The following CD6 variants were observed in gnomAD, a reference collection of about 807,000 sequenced individuals.
CD6 encodes the protein T-cell differentiation antigen CD6.
Under a neutral mutation model 75.3 loss-of-function variants are expected in CD6, and 53 were observed. The ratio of observed to expected loss-of-function variants is 0.70; its 90% CI spans 0.56 to 0.88. CD6 has a LOEUF of 0.88. Ranked by LOEUF, CD6 falls within the 40% of genes least tolerant of loss-of-function variation. The pLI is 0.00. For missense variants in CD6, 770 were observed against 897.1 expected (o/e 0.86, Z 1.81); for synonymous variants, 359 against 381.5 (o/e 0.94, Z 0.69).
At chr11:60,975,267 GTGCTA>G (rs1256173958) in intron 1 of CD6, among the ~76,000 whole-genome samples, 1 of 152,170 alleles carries the variant, frequency 6.6e-6, no homozygotes, top group Non-Finnish European at 1.5e-5. Context: ...CCTTGGTTCT[GTGCTA>G]TTCCATAGGG....
chr11:60,997,991 T>G (rs1218346721), intron 1 of CD6, among the ~76,000 whole-genome samples: 2 of 152,212 alleles, frequency 1.3e-5, no homozygotes, highest in Non-Finnish European at 2.9e-5. Context: ...CCTGCGTTTA[T>G]ACAGATGAGT....
intron 8 of CD6, 22 bp from the exon 9 acceptor site, chr11:61,015,691 C>G (rs1440863906): frequency 2.0e-5 from 33 of 1,613,782 alleles, no homozygotes; most frequent in Non-Finnish European, 2.6e-5. Flanking sequence ...TTGCCATGCC[C>G]TCGACTCTGT....
intron 1 of CD6, among the ~76,000 whole-genome samples, chr11:61,002,954 CTCTTTTCTTT>C (rs10657791): frequency 9.3e-5 from 14 of 151,002 alleles, no homozygotes; most frequent in Middle Eastern, 3.2e-3. Flanking sequence ...ACCTAATCAA[CTCTTTTCTTT>C]TCTTTTCTTT....
In CD6 at chr11:61,009,829, T is replaced by A. The variant is rs1172643572; in HGVS notation, c.1039T>A (p.Ser347Thr). The A allele has an allele frequency of 6.3e-7, 1 of 1,584,654 alleles. No homozygotes were observed. The highest frequency in any genetic ancestry group is 1.7e-5 in the Admixed American group (1 of 57,804). ...CAACTGCTCCTGGCGGTTCAACAAC[T>A]CCAACCTCTGCAGCCAGTCGCTGGC... ...LSNCSWRFNN[S>T]NLCSQSLAAR... Residue 347 changes from serine (S) to threonine (T), a missense_variant, in exon 5 of 13, where the codon TCC (serine) becomes ACC (threonine). Physicochemically the swap from Ser to Thr is moderately conservative, Grantham distance 58. Transcript: ENST00000313421.
Position 60,987,524 on chromosome 11 carries a change from T to A in CD6, c.49+15610T>A, listed in dbSNP as rs562551938. ...ACAACTCGTAGCAATGTATGTAGTG[T>A]GTATAGGGTGTGTGTGTAGGGTGTG... On this transcript the variant is annotated intron_variant, in intron 1 of 12. Transcript: ENST00000313421. 7.3e-4 allele frequency among the ~76,000 whole-genome samples: 110 copies of A among 151,368 alleles called. 2 individuals are homozygous for A. The highest frequency in any genetic ancestry group is 3.0e-4 in the Non-Finnish European group (20 of 67,534).
chr11:61,017,257 G>C, intron 9 of CD6: 1 of 567,114 alleles, frequency 1.8e-6, no homozygotes, highest in East Asian at 2.9e-5. Flanking sequence ...GGGGTTGTAG[G>C]GCACTAGAGT....
chr11:60,984,638 T>A (rs1405447854), intron 1 of CD6, among the ~76,000 whole-genome samples: 3 of 152,356 alleles, frequency 2.0e-5, no homozygotes, highest in East Asian at 1.9e-4. Context: ...AACACATTTT[T>A]AAAATAGTAT....
chr11:60,991,441 C>T (rs373764598), intron 1 of CD6, among the ~76,000 whole-genome samples: 27 of 152,084 alleles, frequency 1.8e-4, no homozygotes, highest in Admixed American at 1.4e-3. Flanking sequence ...GCGTGAGCCC[C>T]GCGTTTGGCC....
At position 61,007,681 on chromosome 11, in the gene CD6, G is replaced by A. The variant is rs575606847; in HGVS notation, c.240G>A (p.Glu80=). 2.2e-4 allele frequency: 306 copies of A among 1,415,988 alleles called. 5 individuals are homozygous for A. The South Asian group carries it at 4.5e-3, about 21-fold the overall frequency. The allele number at this position is 1,415,988 out of a possible 1,614,324, so 87.7% of individuals were successfully genotyped here. The change falls in exon 3 of 13, where the codon GAG becomes GAA. Residue 80 remains glutamate, a synonymous_variant. Transcript: ENST00000313421. This position sits in a 1 kb window ranked among gnomAD's most constrained non-coding sequence, Gnocchi z 4.2. ...CGALWDSRAA[E]AVCRALGCGG... ...CGCTCTGGGACAGCCGCGCCGCCGA[G>A]GCCGTGTGCCGAGCACTGGGCTGCG...
At chr11:61,015,858 G>A (rs746177906) in intron 9 of CD6, 23 bp downstream of exon 9, 11 of 1,612,782 alleles carry the variant, frequency 6.8e-6, no homozygotes, top group African/African-American at 5.3e-5. Flanking sequence ...CCGGGCTCCC[G>A]AGGGCCCACC....
chr11:61,015,453 C>T (rs2134495362), intron 8 of CD6: 2 of 421,372 alleles, frequency 4.7e-6, no homozygotes, highest in Non-Finnish European at 8.6e-6. Context: ...TGCCTGTGGT[C>T]CCAGCTACTC....
chr11:61,019,554 T>C lies in CD6; in HGVS notation c.*236T>C. ...TAGCAGCCCCAGGGAGGATGCTGCC[T>C]CCAAGAGGTGTGAGCCCTCTGTCTC... On this transcript the variant is annotated 3_prime_UTR_variant, in exon 13 of 13. Transcript: ENST00000313421. The C allele has an allele frequency of 2.4e-6, 1 of 418,156 alleles. No individual in the cohort carries two copies. Among genetic ancestry groups the C allele is most frequent in the Non-Finnish European group, 4.2e-6 (1 of 235,664 alleles). 25.9% of individuals were successfully genotyped at this position (418,156 alleles called of 1,614,324 possible).
chr11:61,013,332 GA>G, intron 6 of CD6, 90 bp from the exon 7 acceptor site: 6 of 1,413,688 alleles, frequency 4.2e-6, no homozygotes, highest in Non-Finnish European at 5.8e-6. Flanking sequence ...CATAAAAAGG[GA>G]AGCAGGTCAG....
At chr11:60,999,228 A>G (rs533183921) in intron 1 of CD6, among the ~76,000 whole-genome samples, 3 of 152,182 alleles carry the variant, frequency 2.0e-5, no homozygotes, top group African/African-American at 7.2e-5. Flanking sequence ...TTCTTTTCCT[A>G]TAGTAGAGAT....
intron 1 of CD6, among the ~76,000 whole-genome samples, chr11:60,973,460 A>T (rs1291131634): frequency 6.6e-6 from 1 of 152,212 alleles, no homozygotes; most frequent in African/African-American, 2.4e-5. Context: ...GTTGATATTT[A>T]CTTGACTCAC....
intron 1 of CD6, among the ~76,000 whole-genome samples, chr11:60,985,488 C>G (rs1201568409): frequency 1.3e-5 from 2 of 152,008 alleles, no homozygotes; most frequent in African/African-American, 4.8e-5. Context: ...CCCGGCCACC[C>G]TCTCCTTTTA....
At chr11:60,992,928 C>T (rs578169857) in intron 1 of CD6, among the ~76,000 whole-genome samples, 15 of 152,144 alleles carry the variant, frequency 9.9e-5, no homozygotes, top group South Asian at 6.3e-4. Flanking sequence ...TAAAGTCTGG[C>T]GGGGGATCAA....
At chr11:60,981,539 G>A (rs536884237) in intron 1 of CD6, among the ~76,000 whole-genome samples, 1 of 152,200 alleles carries the variant, frequency 6.6e-6, no homozygotes, top group South Asian at 2.1e-4. Flanking sequence ...TCGTTTCCCC[G>A]GCTGTAAAGC....
Position 61,013,939 on chromosome 11 carries a change from C to A in CD6, c.1312C>A (p.His438Asn). 6.2e-7 allele frequency: 1 copy of A among 1,613,184 alleles called. No individual in the cohort carries two copies. Among genetic ancestry groups the A allele is most frequent in the Non-Finnish European group, 8.5e-7 (1 of 1,179,602 alleles). The change falls in exon 8 of 13, where the codon CAC (histidine) becomes AAC (asparagine). Residue 438 changes from histidine (H) to asparagine (N), a missense_variant. Physicochemically the swap from His to Asn is moderately conservative, Grantham distance 68. Coordinates refer to ENST00000313421, the MANE Select transcript of CD6 (RefSeq NM_006725.5). ...CTCAGCCCTCCCCGTAATGGTGAAC[C>A]ACCAGCACCTACCCACCACCATCCC... is the stretch of plus-strand genomic sequence containing the variant. Reference protein sequence around the residue: ...GKYALPVMVNHQHLPTTIPAG... With the variant: ...GKYALPVMVNNQHLPTTIPAG...
Sources: gnomAD v4.1 joint callset for allele counts (sites outside exome capture counted in the v4.1 genomes callset) on GRCh38, gnomAD v4.1.1 for gene constraint, Gnocchi (gnomAD v3.1) non-coding constraint, MANE v1.5 for transcripts, NCBI Gene and HGNC (gene_info 2026-07-23, HGNC 2026-07-21) for gene names.